Variants in AKAP3 observed in about 807,000 individuals in gnomAD.
AKAP3 encodes the protein A-kinase anchor protein 3.
A neutral mutation model predicts 57.2 loss-of-function variants in AKAP3; 27 were observed. That is an observed-to-expected ratio of 0.47 (90% CI 0.35 to 0.65). The LOEUF (loss-of-function observed/expected upper bound fraction) is 0.65, where lower values mean the gene tolerates loss of function less well. Among genes scored for constraint, AKAP3 ranks in the 30% least tolerant of loss-of-function variants. The probability of loss-of-function intolerance (pLI) is 0.01; values close to 1 mark genes in which losing one functional copy is unlikely to be tolerated. For synonymous variants in AKAP3, 334 were observed against 392.3 expected (o/e 0.85, Z 1.76); for missense variants, 959 against 1,040.0 (o/e 0.92, Z 1.07).
chr12:4,645,782 G>T (rs533483286), intron 1 of AKAP3: 1 of 152,268 alleles, frequency 6.6e-6, no homozygotes, highest in South Asian at 2.1e-4. Flanking sequence ...TCCATGGCCT[G>T]AGGGTTGGGG....
At chr12:4,620,407 G>A (rs1324050659) in intron 5 of AKAP3, among the ~76,000 whole-genome samples, 1 of 149,428 alleles carries the variant, frequency 6.7e-6, no homozygotes, top group East Asian at 2.0e-4. Flanking sequence ...AACCTGGGGG[G>A]CGGAGGTTGC....
At chr12:4,619,549 C>G (rs1178351964) in intron 5 of AKAP3, among the ~76,000 whole-genome samples, 1 of 151,496 alleles carries the variant, frequency 6.6e-6, no homozygotes, top group Non-Finnish European at 1.5e-5. Flanking sequence ...AGAGGGAGAC[C>G]CTGTCTCAAA....
At chr12:4,619,137 A>G (rs1945317926) in intron 5 of AKAP3, among the ~76,000 whole-genome samples, 1 of 152,232 alleles carries the variant, frequency 6.6e-6, no homozygotes, top group African/African-American at 2.4e-5. Context: ...ATACCACTAT[A>G]ATTATTACAA....
intron 5 of AKAP3, among the ~76,000 whole-genome samples, chr12:4,616,268 G>A (rs1945284138): frequency 6.6e-6 from 1 of 152,140 alleles, no homozygotes; most frequent in Admixed American, 6.5e-5. Context: ...AGAGCAAAAA[G>A]GCACCTCAGA....
intron 5 of AKAP3, among the ~76,000 whole-genome samples, chr12:4,619,626 A>G (rs1405097144): frequency 1.3e-5 from 2 of 152,328 alleles, no homozygotes; most frequent in Non-Finnish European, 2.9e-5. Flanking sequence ...ATTGAATTAC[A>G]CTTATTGTAA....
intron 3 of AKAP3, among the ~76,000 whole-genome samples, chr12:4,638,701 T>C (rs569158932): frequency 6.6e-6 from 1 of 152,246 alleles, no homozygotes; most frequent in Non-Finnish European, 1.5e-5. Flanking sequence ...CTGGTAGCTC[T>C]TTCTTAAGAC....
Position 4,628,771 on chromosome 12 carries a change from C to T in AKAP3, c.131G>A (p.Trp44Ter), listed in dbSNP as rs199966108. The stretch of plus-strand genomic sequence containing the variant: ...ACTCTTCTCCAGGTCTCTGCGGAGC[C>T]AGCTGAGCACTCTGACAGGATCCGT... ...TSTDPVRVLS[W>*]LRRDLEKSTA... The change falls in exon 5 of 6, where the codon TGG becomes TAG. Residue 44 changes from tryptophan (W) to a stop codon, truncating the protein, a stop_gained. Coordinates refer to ENST00000228850, the MANE Select transcript of AKAP3 (RefSeq NM_001278309.2). LOFTEE classifies it high-confidence loss of function. The T allele has an allele frequency of 1.5e-4, 247 of 1,611,718 alleles. No individual in the cohort carries two copies. The highest frequency in any genetic ancestry group is 2.0e-4 in the Non-Finnish European group (238 of 1,178,150).
chr12:4,637,367 C>T (rs1945579793), intron 4 of AKAP3, among the ~76,000 whole-genome samples: 1 of 152,214 alleles, frequency 6.6e-6, no homozygotes, highest in Non-Finnish European at 1.5e-5. Context: ...CACATTCTCT[C>T]CAAAGAGATG....
At chr12:4,643,514 T>C (rs1257570927) in intron 2 of AKAP3, among the ~76,000 whole-genome samples, 1 of 152,078 alleles carries the variant, frequency 6.6e-6, no homozygotes, top group African/African-American at 2.4e-5. Flanking sequence ...TCAGAAACCA[T>C]GTTTTCTAAT....
intron 2 of AKAP3, 157 bp from the exon 3 acceptor site, chr12:4,642,161 T>C (rs145958806): frequency 2.5e-3 from 376 of 152,362 alleles, no homozygotes; most frequent in African/African-American, 8.5e-3. Context: ...CATCTTATTC[T>C]TGATGCAGTC....
intron 1 of AKAP3, chr12:4,647,819 C>G (rs1436623540): frequency 6.6e-6 from 1 of 151,966 alleles, no homozygotes; most frequent in Non-Finnish European, 1.5e-5. Context: ...TTTCTCTCTT[C>G]CAATTCAATT....
rs142123636 is a variant in AKAP3, at chr12:4,633,301, A to G, written c.97-4496T>C. Among the ~76,000 whole-genome samples, 715 of 152,184 alleles carry G rather than the reference A, an allele frequency of 4.7e-3. 10 individuals carry two copies. The highest frequency in any genetic ancestry group is 0.017 in the African/African-American group (687 of 41,550). On this transcript the variant is annotated intron_variant, in intron 4 of 5. Coordinates refer to ENST00000228850, the MANE Select transcript of AKAP3 (RefSeq NM_001278309.2). Reference sequence around the variant, plus strand: ...AAAGATAAATAAAATTTAAAAAAATAAAAATAAAAAACCAAACCTACAGCG... The same window carrying G: ...AAAGATAAATAAAATTTAAAAAAATGAAAATAAAAAACCAAACCTACAGCG...
chr12:4,643,801 C>T (rs1945665865), intron 2 of AKAP3, among the ~76,000 whole-genome samples: 1 of 152,186 alleles, frequency 6.6e-6, no homozygotes, highest in Non-Finnish European at 1.5e-5. Flanking sequence ...AGCTCTATCT[C>T]AAGGCAGTTT....
chr12:4,641,703 G>T (rs964943605), intron 3 of AKAP3, among the ~76,000 whole-genome samples, 196 bp downstream of exon 3: 2 of 152,194 alleles, frequency 1.3e-5, no homozygotes, highest in African/African-American at 4.8e-5. Context: ...GAAGCAGTTT[G>T]TCCTAGATTA....
chr12:4,631,461 T>A, intron 4 of AKAP3: 4 of 649,086 alleles, frequency 6.2e-6, no homozygotes, highest in Non-Finnish European at 1.1e-5. Flanking sequence ...ACTGTCTCTA[T>A]CAGTGTCTGT....
rs756322227 is a variant in AKAP3 at position 4,615,784 on chromosome 12, A to G, written c.2517T>C (p.Asn839=). Residue 839 remains asparagine (N), a synonymous_variant, in exon 6 of 6, where the codon AAT becomes AAC. Transcript: ENST00000228850. The part of the protein sequence containing the change: ...KERQLNEAVG[N]VTPLQLLDWL... ...AGTCCAGCAGCTGCAGCGGTGTGAC[A>G]TTCCCCACCGCCTCATTCAGCTGGC... 6.2e-6 allele frequency: 10 copies of G among 1,614,202 alleles called. No individual in the cohort carries two copies. The East Asian group carries it at 6.7e-5, about 11-fold the overall frequency.
chr12:4,628,234 C>T lies in AKAP3; in HGVS notation c.668G>A (p.Ser223Asn). The T allele has an allele frequency of 6.2e-7, 1 of 1,614,096 alleles. No homozygotes were observed. The highest frequency in any genetic ancestry group is 1.1e-5 in the South Asian group (1 of 91,076). ...KYKSTLKIKESTKERQGPDDK... is the reference protein window; with the variant it reads ...KYKSTLKIKENTKERQGPDDK... Reference sequence around the variant, plus strand: ...ATCTGGACCCTGTCTTTCTTTGGTGCTCTCCTTGATCTTCAAAGTGGACTT... The same window carrying T: ...ATCTGGACCCTGTCTTTCTTTGGTGTTCTCCTTGATCTTCAAAGTGGACTT... The change falls in exon 5 of 6, where the codon AGC becomes AAC. Residue 223 changes from serine to asparagine, a missense_variant. Physicochemically the swap from Ser to Asn is conservative, Grantham distance 46 (BLOSUM62 1). Transcript: ENST00000228850.
At chr12:4,647,208 G>A (rs531962870) in intron 1 of AKAP3, among the ~76,000 whole-genome samples, 21 of 152,150 alleles carry the variant, frequency 1.4e-4, no homozygotes, top group African/African-American at 4.6e-4. Context: ...AGCACTTTAC[G>A]GGTGACAAAG....
At chr12:4,646,944 G>C (rs1455550089) in intron 1 of AKAP3, among the ~76,000 whole-genome samples, 1 of 151,914 alleles carries the variant, frequency 6.6e-6, no homozygotes, top group South Asian at 2.1e-4. Context: ...CACCACACAC[G>C]GCTAATTTTT....
Sources: allele counts gnomAD v4.1 joint callset (sites outside exome capture counted in the v4.1 genomes callset), GRCh38; gene constraint gnomAD v4.1.1; transcripts MANE v1.5; gene names NCBI Gene and HGNC (gene_info 2026-07-23, HGNC 2026-07-21).